ADGRB3: variants seen among roughly 807,000 people sequenced by gnomAD.
ADGRB3 encodes brain-specific angiogenesis inhibitor 3.
ADGRB3 carries 37 observed loss-of-function variants against 193.4 expected under a neutral mutation model. The observed-to-expected ratio is 0.19, with a 90% CI of 0.15 to 0.25. The LOEUF (loss-of-function observed/expected upper bound fraction) is 0.25. ADGRB3 is among the 10% of genes least tolerant of loss of function. The probability of loss-of-function intolerance (pLI) is 1.00; values close to 1 mark genes in which losing one functional copy is unlikely to be tolerated. For missense variants in ADGRB3, 1,637 were observed against 1,852.9 expected (o/e 0.88, Z 2.14); for synonymous variants, 690 against 644.2 (o/e 1.07, Z -1.08).
At chr6:68,875,242 GCCCTCCCCTCCCCTCCCCTCCCTTC>G (rs1430665625) in intron 3 of ADGRB3, among the ~76,000 whole-genome samples, 1 of 62,674 alleles carries the variant, frequency 1.6e-5, no homozygotes, top group Non-Finnish European at 2.9e-5. Flanking sequence ...CCCTCCCTCT[GCCCTCCCCTCCCCTCCCCTCCCTTC>G]CCCTCCCCTC....
At chr6:69,049,186 T>A (rs1340933420) in intron 14 of ADGRB3, 85 bp from the exon 15 acceptor site, 4 of 984,606 alleles carry the variant, frequency 4.1e-6, no homozygotes, top group Non-Finnish European at 6.1e-6. Context: ...AGTACTGGAA[T>A]TATCTTGTAA....
intron 18 of ADGRB3, among the ~76,000 whole-genome samples, chr6:69,234,130 T>C (rs1290662931): frequency 2.0e-5 from 3 of 152,188 alleles, no homozygotes; most frequent in Admixed American, 1.3e-4. Flanking sequence ...TAAGCATCAC[T>C]CTTCTTACTA....
intron 3 of ADGRB3, among the ~76,000 whole-genome samples, chr6:68,896,416 A>G (rs1766219753): frequency 6.6e-6 from 1 of 152,090 alleles, no homozygotes; most frequent in Non-Finnish European, 1.5e-5. Flanking sequence ...ATTATTTTTT[A>G]TAGAGGAGAA....
chr6:68,854,650 A>G (rs1764919584), intron 3 of ADGRB3, among the ~76,000 whole-genome samples: 1 of 152,104 alleles, frequency 6.6e-6, no homozygotes, highest in East Asian at 1.9e-4. Flanking sequence ...GGCCATAGAG[A>G]AAAGAAATGT....
chr6:68,697,910 A>G (rs914163972), intron 3 of ADGRB3, among the ~76,000 whole-genome samples: 2 of 151,642 alleles, frequency 1.3e-5, no homozygotes, highest in African/African-American at 2.4e-5. Context: ...ATAAAATTAT[A>G]TTTCTTCATC....
At chr6:69,227,874 A>G (rs550147206) in intron 17 of ADGRB3, among the ~76,000 whole-genome samples, 7 of 152,360 alleles carry the variant, frequency 4.6e-5, no homozygotes, top group Middle Eastern at 6.8e-3. Context: ...CATGTCTGCT[A>G]TATGCTAAAG....
intron 15 of ADGRB3, among the ~76,000 whole-genome samples, chr6:69,054,611 G>T (rs887562880): frequency 1.3e-5 from 2 of 152,086 alleles, no homozygotes; most frequent in Non-Finnish European, 2.9e-5. Flanking sequence ...TAACAAATTG[G>T]CGTAGCTTAT....
intron 11 of ADGRB3, among the ~76,000 whole-genome samples, chr6:69,011,323 C>G (rs116980140): frequency 0.025 from 3,755 of 152,066 alleles, 80 homozygotes; most frequent in Middle Eastern, 0.044. Flanking sequence ...ATGCCCTGTG[C>G]TGCAACATGG....
chr6:68,939,856 T>G (rs1045591060), intron 5 of ADGRB3, among the ~76,000 whole-genome samples: 1 of 152,140 alleles, frequency 6.6e-6, no homozygotes, highest in Non-Finnish European at 1.5e-5. Context: ...TTGTCACATT[T>G]TGGACACTCA....
chr6:69,327,457 A>G (rs966008014), intron 21 of ADGRB3, among the ~76,000 whole-genome samples: 8 of 152,162 alleles, frequency 5.3e-5, no homozygotes, highest in Non-Finnish European at 1.0e-4. Context: ...TCATACCAGA[A>G]CATCCAGTTT....
intron 17 of ADGRB3, among the ~76,000 whole-genome samples, chr6:69,121,431 G>C (rs1401460253): frequency 6.6e-6 from 1 of 151,784 alleles, no homozygotes; most frequent in Non-Finnish European, 1.5e-5. Context: ...GTAACAATCT[G>C]ATCTGTCTTT....
intron 20 of ADGRB3, among the ~76,000 whole-genome samples, chr6:69,259,821 A>T (rs531750685): frequency 6.6e-6 from 1 of 152,256 alleles, no homozygotes; most frequent in East Asian, 1.9e-4. Context: ...GGACTCAGAT[A>T]TAAAGACATT....
intron 19 of ADGRB3, among the ~76,000 whole-genome samples, chr6:69,238,402 G>A (rs747856296): frequency 3.3e-5 from 5 of 151,940 alleles, no homozygotes; most frequent in Non-Finnish European, 7.4e-5. Flanking sequence ...TACATTCTTG[G>A]TGCACTTAAC....
intron 17 of ADGRB3, among the ~76,000 whole-genome samples, chr6:69,079,951 C>T (rs747447337): frequency 1.6e-4 from 25 of 151,996 alleles, no homozygotes; most frequent in Non-Finnish European, 3.2e-4. Flanking sequence ...ATTTTTTCTT[C>T]ATTTCAAATT....
chr6:68,847,978 C>G (rs1177528748), intron 3 of ADGRB3, among the ~76,000 whole-genome samples: 1 of 150,826 alleles, frequency 6.6e-6, no homozygotes, highest in Non-Finnish European at 1.5e-5. Context: ...GAACCTGAGT[C>G]ATACAACTGA....
intron 3 of ADGRB3, among the ~76,000 whole-genome samples, chr6:68,891,303 A>G (rs901882863): frequency 6.6e-6 from 1 of 152,190 alleles, no homozygotes; most frequent in African/African-American, 2.4e-5. Context: ...GGGTGGGGAC[A>G]CAGAGCCAAA....
At chr6:68,941,534 T>C (rs931136949) in intron 5 of ADGRB3, among the ~76,000 whole-genome samples, 1 of 152,042 alleles carries the variant, frequency 6.6e-6, no homozygotes, top group Non-Finnish European at 1.5e-5. Context: ...GCATCTTCCT[T>C]TTTTTCTGGG....
chr6:68,901,639 A>G (rs1001994808), intron 3 of ADGRB3, among the ~76,000 whole-genome samples: 17 of 152,182 alleles, frequency 1.1e-4, no homozygotes, highest in Non-Finnish European at 2.2e-4. Flanking sequence ...GTATAATTTT[A>G]ACAACTTAAA....
intron 20 of ADGRB3, among the ~76,000 whole-genome samples, chr6:69,251,360 G>T (rs536166432): frequency 6.7e-6 from 1 of 148,860 alleles, no homozygotes; most frequent in South Asian, 2.1e-4. Flanking sequence ...AATCTGTCTA[G>T]GAACCCATTT....
Sources: gnomAD v4.1 joint callset for allele counts (sites outside exome capture counted in the v4.1 genomes callset) on GRCh38, gnomAD v4.1.1 for gene constraint, MANE v1.5 for transcripts, NCBI Gene and HGNC (gene_info 2026-07-23, HGNC 2026-07-21) for gene names.